The following ITPRID1 variants were observed in gnomAD, a reference collection of about 807,000 sequenced individuals.
ITPRID1 encodes protein ITPRID1.
ITPRID1 carries 96 observed loss-of-function variants against 95.4 expected under a neutral mutation model. That is an observed-to-expected ratio of 1.01 (90% CI 0.85 to 1.19). ITPRID1 has a LOEUF of 1.19. ITPRID1 is among the 50% of genes most tolerant of loss of function. The probability of loss-of-function intolerance (pLI) is 0.00; values close to 1 mark genes in which losing one functional copy is unlikely to be tolerated. For missense variants in ITPRID1, 1,339 were observed against 1,252.9 expected (o/e 1.07, Z -1.04); for synonymous variants, 510 against 453.6 (o/e 1.12, Z -1.58).
chr7:31,640,168 T>A (rs972308207), intron 10 of ITPRID1, among the ~76,000 whole-genome samples: 5 of 152,224 alleles, frequency 3.3e-5, no homozygotes, highest in African/African-American at 1.2e-4. Context: ...TTCTTACTCC[T>A]GAAGCAAGAC....
intron 12 of ITPRID1, among the ~76,000 whole-genome samples, chr7:31,649,116 G>A (rs578254890): frequency 4.6e-5 from 7 of 152,206 alleles, no homozygotes; most frequent in Non-Finnish European, 1.0e-4. Flanking sequence ...GCTTTACTAT[G>A]CAAAATACGT....
chr7:31,640,530 CCTGTAAACTCTCTCAA>C (rs1208707916), intron 10 of ITPRID1, among the ~76,000 whole-genome samples: 5 of 152,224 alleles, frequency 3.3e-5, no homozygotes, highest in Non-Finnish European at 7.3e-5. Flanking sequence ...CATGCCAAGA[CCTGTAAACTCTCTCAA>C]AGCGCTAAGC....
chr7:31,565,022 C>T (rs1583504324), intron 5 of ITPRID1, among the ~76,000 whole-genome samples: 2 of 152,222 alleles, frequency 1.3e-5, no homozygotes, highest in East Asian at 3.9e-4. Flanking sequence ...GGGAAATTTA[C>T]CTTACAAATT....
intron 10 of ITPRID1, among the ~76,000 whole-genome samples, chr7:31,589,877 A>G (rs959830309): frequency 7.9e-5 from 12 of 152,190 alleles, no homozygotes; most frequent in African/African-American, 2.9e-4. Flanking sequence ...GACAATTTAT[A>G]GCATACAGGG....
chr7:31,651,190 C>T lies in ITPRID1; in HGVS notation c.2632C>T (p.Arg878Trp), dbSNP rs142885665. 2.0e-5 allele frequency: 32 copies of T among 1,613,448 alleles called. 2 individuals are homozygous for T. The highest frequency in any genetic ancestry group is 1.6e-4 in the South Asian group (15 of 91,024). The part of the protein sequence containing the change: ...EAMKTICQSF[R>W]EYLEEIEQHL... ...CATGAAGACGATATGCCAAAGTTTC[C>T]GGGAGTATTTAGAAGAAATTGAACA... Residue 878 changes from arginine (R) to tryptophan (W), a missense_variant, in exon 13 of 15, where the codon CGG becomes TGG. By Grantham distance (101) the Arg-to-Trp change is moderately radical. Transcript: ENST00000615280.
intron 12 of ITPRID1, among the ~76,000 whole-genome samples, chr7:31,647,572 G>A (rs984189065): frequency 2.0e-5 from 3 of 151,214 alleles, no homozygotes; most frequent in African/African-American, 7.3e-5. Context: ...TACTTGGAAG[G>A]CTGAGGCAAG....
chr7:31,522,552 C>T (rs375676332), intron 1 of ITPRID1, among the ~76,000 whole-genome samples: 3 of 152,044 alleles, frequency 2.0e-5, no homozygotes, highest in African/African-American at 7.3e-5. Context: ...TAGAGCAAGT[C>T]CATATTACTC....
At chr7:31,616,790 T>G (rs1366663961) in intron 10 of ITPRID1, among the ~76,000 whole-genome samples, 2 of 108,240 alleles carry the variant, frequency 1.8e-5, no homozygotes, top group East Asian at 1.9e-4. Flanking sequence ...GTTTCTAAAT[T>G]TCATTTTTTG....
chr7:31,541,384 C>A (rs1783927381), intron 1 of ITPRID1, among the ~76,000 whole-genome samples: 1 of 152,088 alleles, frequency 6.6e-6, no homozygotes, highest in African/African-American at 2.4e-5. Context: ...TCAAGAGCAC[C>A]TATTAGAGCT....
At chr7:31,599,358 A>G (rs1786246281) in intron 10 of ITPRID1, among the ~76,000 whole-genome samples, 1 of 152,184 alleles carries the variant, frequency 6.6e-6, no homozygotes, top group Admixed American at 6.5e-5. Flanking sequence ...TCTGCTGTAT[A>G]TTAATAATGT....
chr7:31,575,998 A>G (rs1339996005), intron 8 of ITPRID1, among the ~76,000 whole-genome samples: 2 of 152,198 alleles, frequency 1.3e-5, no homozygotes, highest in Non-Finnish European at 2.9e-5. Context: ...AGCAGCACAG[A>G]GATGCAAATT....
chr7:31,569,932 C>G, intron 6 of ITPRID1, 123 bp downstream of exon 6: 1 of 693,500 alleles, frequency 1.4e-6, no homozygotes, highest in South Asian at 2.4e-5. Flanking sequence ...TGAAAGGTAA[C>G]TGGTTTAGTC....
chr7:31,561,653 T>C (rs1784626633), intron 5 of ITPRID1, among the ~76,000 whole-genome samples: 1 of 152,206 alleles, frequency 6.6e-6, no homozygotes, highest in South Asian at 2.1e-4. Context: ...CTCTGTCTTC[T>C]GGCAAATGTT....
At chr7:31,615,226 G>T (rs1431388688) in intron 10 of ITPRID1, among the ~76,000 whole-genome samples, 1 of 152,064 alleles carries the variant, frequency 6.6e-6, no homozygotes, top group African/African-American at 2.4e-5. Context: ...GGGCTGACTA[G>T]TGAAAAATCA....
chr7:31,632,771 C>T (rs371619930), intron 10 of ITPRID1, among the ~76,000 whole-genome samples: 10 of 152,244 alleles, frequency 6.6e-5, no homozygotes, highest in African/African-American at 2.4e-4. Flanking sequence ...TTACAGCAAG[C>T]ATTAAGTAAG....
intron 1 of ITPRID1, among the ~76,000 whole-genome samples, chr7:31,517,101 C>G (rs940814032): frequency 6.6e-6 from 1 of 152,190 alleles, no homozygotes; most frequent in African/African-American, 2.4e-5. Context: ...AACCACCATT[C>G]CCAGAGAACA....
rs1784332913 is a variant in ITPRID1, at chr7:31,553,020, C to G, written c.-5C>G. The G allele has an allele frequency of 1.9e-6, 3 of 1,607,498 alleles. No homozygotes were observed. Among genetic ancestry groups the G allele is most frequent in the Non-Finnish European group, 2.5e-6 (3 of 1,176,918 alleles). The stretch of plus-strand genomic sequence containing the variant: ...TTTTAAGTTAGTTTGCAGAATTACT[C>G]TCCTATGATGGCACAGAAATCACAA... On this transcript the variant is annotated 5_prime_UTR_variant, in exon 3 of 15. Transcript: ENST00000615280.
At chr7:31,516,272 G>C (rs1783037715) in intron 1 of ITPRID1, among the ~76,000 whole-genome samples, 2 of 152,158 alleles carry the variant, frequency 1.3e-5, no homozygotes, top group African/African-American at 4.8e-5. Context: ...CTGCGTGTGT[G>C]TGCATGTGTA....
intron 14 of ITPRID1, 62 bp from the exon 15 acceptor site, chr7:31,652,456 G>A: frequency 1.3e-6 from 2 of 1,508,486 alleles, no homozygotes; most frequent in South Asian, 2.6e-5. Context: ...ACAAGTTTGA[G>A]TAAGCTGTTT....
Sources: gnomAD v4.1 joint callset for allele counts (sites outside exome capture counted in the v4.1 genomes callset) on GRCh38, gnomAD v4.1.1 for gene constraint, MANE v1.5 for transcripts, NCBI Gene and HGNC (gene_info 2026-07-23, HGNC 2026-07-21) for gene names.